DOK5: variants seen among roughly 807,000 people sequenced by gnomAD.
The protein encoded by DOK5 is downstream of tyrosine kinase 5.
Under a neutral mutation model 43.3 loss-of-function variants are expected in DOK5, and 27 were observed. That is an observed-to-expected ratio of 0.62 (90% CI 0.46 to 0.86). The LOEUF is 0.86. DOK5 is among the 40% of genes least tolerant of loss of function. The pLI, the probability that DOK5 is intolerant of heterozygous loss-of-function variation, is 0.00. For synonymous variants in DOK5, 146 were observed against 140.1 expected, an observed-to-expected ratio of 1.04 and a Z score of -0.30; for missense variants, 373 against 392.9, an observed-to-expected ratio of 0.95 and a Z score of 0.43.
intron 1 of DOK5, among the ~76,000 whole-genome samples, chr20:54,487,648 G>A (rs547310266): frequency 1.1e-4 from 17 of 151,990 alleles, no homozygotes; most frequent in South Asian, 4.2e-4. Context: ...ACTTATAGCC[G>A]CCAAATGTCA....
intron 5 of DOK5, among the ~76,000 whole-genome samples, chr20:54,598,529 C>T (rs1332364406): frequency 6.6e-6 from 1 of 152,168 alleles, no homozygotes; most frequent in East Asian, 1.9e-4. Flanking sequence ...AACTGTACAG[C>T]TTGCTGCTGA....
chr20:54,642,063 T>C (rs557461742), intron 6 of DOK5, among the ~76,000 whole-genome samples: 2 of 152,292 alleles, frequency 1.3e-5, no homozygotes, highest in South Asian at 4.1e-4. Context: ...AGGGCTCAGA[T>C]ACGGGGGTGC....
intron 1 of DOK5, among the ~76,000 whole-genome samples, chr20:54,547,656 A>G (rs1458427717): frequency 6.6e-6 from 1 of 152,246 alleles, no homozygotes; most frequent in East Asian, 1.9e-4. Flanking sequence ...GAAAAACAGA[A>G]GAAATTATTC....
intron 1 of DOK5, among the ~76,000 whole-genome samples, chr20:54,485,860 G>A (rs550318145): frequency 6.6e-6 from 1 of 152,182 alleles, no homozygotes; most frequent in Non-Finnish European, 1.5e-5. Context: ...TTCTAGATGT[G>A]TCGTGGTATC....
intron 1 of DOK5, among the ~76,000 whole-genome samples, chr20:54,548,547 A>G (rs1334458092): frequency 6.6e-6 from 1 of 152,118 alleles, no homozygotes; most frequent in Non-Finnish European, 1.5e-5. Flanking sequence ...AGGATTAACT[A>G]CTATTTATAG....
intron 2 of DOK5, among the ~76,000 whole-genome samples, chr20:54,563,609 G>A (rs151217185): frequency 3.9e-4 from 58 of 148,736 alleles, no homozygotes; most frequent in African/African-American, 1.3e-3. Flanking sequence ...ATCAGTCTCA[G>A]TTGTTAACGA....
At chr20:54,545,502 C>T (rs752900831) in intron 1 of DOK5, among the ~76,000 whole-genome samples, 1 of 152,172 alleles carries the variant, frequency 6.6e-6, no homozygotes, top group Non-Finnish European at 1.5e-5. Context: ...GTCATTTAGC[C>T]TGAACACTAG....
At chr20:54,539,181 T>G (rs960761719) in intron 1 of DOK5, among the ~76,000 whole-genome samples, 7 of 149,206 alleles carry the variant, frequency 4.7e-5, no homozygotes, top group Admixed American at 6.8e-5. Flanking sequence ...TCCCAGCTAC[T>G]TGGGAGGCTG....
intron 5 of DOK5, among the ~76,000 whole-genome samples, chr20:54,600,762 G>A (rs1172702933): frequency 5.9e-5 from 9 of 152,190 alleles, no homozygotes; most frequent in African/African-American, 1.7e-4. Flanking sequence ...ATGACCTGAA[G>A]CCGTTATCTT....
intron 1 of DOK5, among the ~76,000 whole-genome samples, chr20:54,517,942 A>C (rs539686115): frequency 1.2e-4 from 19 of 152,072 alleles, no homozygotes; most frequent in South Asian, 1.2e-3. Context: ...ATGAGCAATA[A>C]ATTTCTGTTG....
At chr20:54,623,719 A>G (rs1987055346) in intron 6 of DOK5, among the ~76,000 whole-genome samples, 1 of 151,992 alleles carries the variant, frequency 6.6e-6, no homozygotes, top group Non-Finnish European at 1.5e-5. Flanking sequence ...AGCTGGGACT[A>G]CAGGCGCCCA....
At chr20:54,644,474 G>A (rs1370253587) in intron 7 of DOK5, among the ~76,000 whole-genome samples, 1 of 152,020 alleles carries the variant, frequency 6.6e-6, no homozygotes, top group Non-Finnish European at 1.5e-5. Flanking sequence ...GGAGGCCGAG[G>A]CGGGCGGATC....
intron 1 of DOK5, among the ~76,000 whole-genome samples, chr20:54,524,574 T>C (rs1382448835): frequency 6.6e-6 from 1 of 152,190 alleles, no homozygotes; most frequent in African/African-American, 2.4e-5. Context: ...GCTATGAAGA[T>C]GTTGGTTGTA....
chr20:54,585,143 T>C (rs1985763263), intron 2 of DOK5, among the ~76,000 whole-genome samples: 1 of 148,616 alleles, frequency 6.7e-6, no homozygotes, highest in Admixed American at 6.7e-5. Context: ...GCAAGGCTTG[T>C]GTGTGTTGTG....
intron 1 of DOK5, among the ~76,000 whole-genome samples, chr20:54,518,614 C>A (rs7360669): frequency 0.024 from 3,654 of 152,158 alleles, 140 homozygotes; most frequent in African/African-American, 0.083. Flanking sequence ...TAGCAGCATG[C>A]TTTATAATCC....
At chr20:54,528,081 G>A (rs532832556) in intron 1 of DOK5, among the ~76,000 whole-genome samples, 74 of 152,130 alleles carry the variant, frequency 4.9e-4, no homozygotes, top group Middle Eastern at 3.4e-3. Context: ...GATGGTAGGC[G>A]CCTGTAATCC....
chr20:54,553,178 T>G (rs1471980946), intron 1 of DOK5, among the ~76,000 whole-genome samples: 1 of 152,198 alleles, frequency 6.6e-6, no homozygotes, highest in Non-Finnish European at 1.5e-5. Flanking sequence ...GTTTTGGGTT[T>G]TTTCCTAAGG....
At chr20:54,644,907 A>G (rs918634748) in intron 7 of DOK5, among the ~76,000 whole-genome samples, 4 of 143,596 alleles carry the variant, frequency 2.8e-5, no homozygotes, top group African/African-American at 7.5e-5. Context: ...CCTTTCAAAC[A>G]TATTTGTTTT....
intron 6 of DOK5, among the ~76,000 whole-genome samples, chr20:54,641,406 T>A (rs1028781368): frequency 2.0e-5 from 3 of 152,198 alleles, no homozygotes; most frequent in Non-Finnish European, 4.4e-5. Flanking sequence ...CCTCCTATTA[T>A]TTTGGCTTTA....
Sources: gnomAD v4.1 joint callset for allele counts (sites outside exome capture counted in the v4.1 genomes callset) on GRCh38, gnomAD v4.1.1 for gene constraint, MANE v1.5 for transcripts, NCBI Gene and HGNC (gene_info 2026-07-23, HGNC 2026-07-21) for gene names.